RNF130: variants seen among roughly 807,000 people sequenced by gnomAD.
RNF130 encodes E3 ubiquitin-protein ligase RNF130.
Under a neutral mutation model 44.6 loss-of-function variants are expected in RNF130, and 21 were observed. That is an observed-to-expected ratio of 0.47 (90% CI 0.33 to 0.68). The LOEUF (loss-of-function observed/expected upper bound fraction) is 0.68, where lower values mean the gene tolerates loss of function less well. RNF130 is among the 30% of genes least tolerant of loss of function. The pLI, the probability that RNF130 is intolerant of heterozygous loss-of-function variation, is 0.02. For synonymous variants in RNF130, 214 were observed against 210.4 expected, an observed-to-expected ratio of 1.02 and a Z score of -0.15; for missense variants, 479 against 560.6, an observed-to-expected ratio of 0.85 and a Z score of 1.47.
chr5:179,930,969 G>A (rs1364792868), intron 7 of RNF130, among the ~76,000 whole-genome samples: 1 of 149,034 alleles, frequency 6.7e-6, no homozygotes, highest in Non-Finnish European at 1.5e-5. Flanking sequence ...GGAGGCAGAG[G>A]TTGCAGTGAG....
intron 7 of RNF130, chr5:179,939,860 T>C (rs1761947942): frequency 8.0e-6 from 3 of 376,046 alleles, no homozygotes; most frequent in South Asian, 7.1e-5. Context: ...GAAGACATCA[T>C]CTGAGTTATG....
intron 7 of RNF130, among the ~76,000 whole-genome samples, chr5:179,946,009 T>C (rs926284451): frequency 1.3e-5 from 2 of 152,236 alleles, no homozygotes; most frequent in Non-Finnish European, 2.9e-5. Flanking sequence ...AGCATATGAC[T>C]GACGTTCCTT....
intron 6 of RNF130, among the ~76,000 whole-genome samples, chr5:179,967,544 T>C (rs766923248): frequency 2.6e-5 from 4 of 152,278 alleles, no homozygotes; most frequent in Non-Finnish European, 4.4e-5. Flanking sequence ...GAAAATGATC[T>C]GTTTCAAAAC....
chr5:179,913,704 G>A (rs780330018), exon 8 of RNF130: 15 of 152,266 alleles, frequency 9.9e-5, no homozygotes, highest in Non-Finnish European at 1.9e-4. Context: ...CCACAAAAAA[G>A]AGGGTGAACC....
intron 1 of RNF130, among the ~76,000 whole-genome samples, chr5:180,050,872 A>G (rs1254641178): frequency 6.6e-6 from 1 of 152,172 alleles, no homozygotes; most frequent in East Asian, 1.9e-4. Context: ...CAGTGGCACA[A>G]TCAGAGCTCA....
chr5:180,038,128 A>G (rs549628900), intron 2 of RNF130, among the ~76,000 whole-genome samples: 2 of 152,230 alleles, frequency 1.3e-5, no homozygotes, highest in South Asian at 4.1e-4. Context: ...ATCACGGCTC[A>G]CTGTAGTCTC....
chr5:180,027,704 G>C (rs554512482), intron 2 of RNF130, among the ~76,000 whole-genome samples: 2 of 152,098 alleles, frequency 1.3e-5, no homozygotes, highest in Non-Finnish European at 2.9e-5. Flanking sequence ...CTCTCCACAC[G>C]TCACCTGTGG....
chr5:180,055,449 TGTGC>T (rs879327370), intron 1 of RNF130, among the ~76,000 whole-genome samples: 75 of 151,304 alleles, frequency 5.0e-4, no homozygotes, highest in Middle Eastern at 3.4e-3. Context: ...TTTGTGTGTG[TGTGC>T]GTGTGTGTGT....
intron 5 of RNF130, among the ~76,000 whole-genome samples, chr5:179,972,156 G>A (rs1762599782): frequency 6.6e-6 from 1 of 152,124 alleles, no homozygotes; most frequent in African/African-American, 2.4e-5. Flanking sequence ...ACTCCAGGGT[G>A]TCCCCAGGGC....
At chr5:180,017,151 T>G (rs1278326625) in intron 2 of RNF130, among the ~76,000 whole-genome samples, 1 of 152,194 alleles carries the variant, frequency 6.6e-6, no homozygotes, top group Non-Finnish European at 1.5e-5. Context: ...ACACTGACCT[T>G]TTTAAAGAGT....
At chr5:180,048,474 T>C (rs866781754) in intron 1 of RNF130, among the ~76,000 whole-genome samples, 2 of 152,042 alleles carry the variant, frequency 1.3e-5, no homozygotes, top group East Asian at 1.9e-4. Context: ...ATGACTTAGA[T>C]TGATTAAAAA....
chr5:180,008,621 A>C (rs11249663), intron 3 of RNF130, among the ~76,000 whole-genome samples: 30,642 of 152,056 alleles, frequency 0.2, 3,316 homozygotes, highest in Middle Eastern at 0.25. Context: ...ACAGTGGCTC[A>C]TGTCTGTAAT....
exon 8 of RNF130, chr5:179,915,547 G>C (rs907442385): frequency 6.6e-6 from 1 of 152,254 alleles, no homozygotes; most frequent in African/African-American, 2.4e-5. Context: ...ACCAGGCCTG[G>C]AAGCCCAGGC....
chr5:179,943,488 G>C (rs756777314), intron 7 of RNF130, among the ~76,000 whole-genome samples: 6 of 152,092 alleles, frequency 3.9e-5, no homozygotes, highest in Non-Finnish European at 8.8e-5. Context: ...TTTTTGCCAT[G>C]TGCACTTATT....
chr5:179,949,610 T>G (rs149288829), intron 7 of RNF130, among the ~76,000 whole-genome samples: 90 of 152,384 alleles, frequency 5.9e-4, no homozygotes, highest in African/African-American at 2.1e-3. Flanking sequence ...TAATCTCGAA[T>G]TTTTTAAATA....
At chr5:179,947,963 G>C (rs574525934) in intron 7 of RNF130, among the ~76,000 whole-genome samples, 1 of 152,058 alleles carries the variant, frequency 6.6e-6, no homozygotes, top group Non-Finnish European at 1.5e-5. Flanking sequence ...CACTTCCCCC[G>C]TTTTCACCCT....
At chr5:179,933,216 G>A (rs1761835001) in intron 7 of RNF130, among the ~76,000 whole-genome samples, 1 of 152,198 alleles carries the variant, frequency 6.6e-6, no homozygotes, top group South Asian at 2.1e-4. Context: ...ATTCACCAAT[G>A]AAATCATCTA....
At chr5:180,034,935 GTCT>G (rs1764212896) in intron 2 of RNF130, among the ~76,000 whole-genome samples, 2 of 152,162 alleles carry the variant, frequency 1.3e-5, no homozygotes, top group Non-Finnish European at 2.9e-5. Context: ...TTGGTAAACT[GTCT>G]TCTTTTTTAT....
At chr5:179,979,005 TG>T in intron 4 of RNF130, among the ~76,000 whole-genome samples, 1 of 152,310 alleles carries the variant, frequency 6.6e-6, no homozygotes, top group South Asian at 2.1e-4. Context: ...TGAAACTCAG[TG>T]GACAACTCTT....
Sources: allele counts gnomAD v4.1 joint callset (sites outside exome capture counted in the v4.1 genomes callset), GRCh38; gene constraint gnomAD v4.1.1; transcripts MANE v1.5; gene names NCBI Gene and HGNC (gene_info 2026-07-23, HGNC 2026-07-21).